The following NEK10 variants were observed in gnomAD, a reference collection of about 807,000 sequenced individuals.
NEK10 encodes the protein serine/threonine-protein kinase Nek10.
In NEK10, 122 loss-of-function variants were observed where a neutral mutation model predicts 159.8. The observed-to-expected ratio is 0.76, with a 90% CI of 0.66 to 0.89. The LOEUF (loss-of-function observed/expected upper bound fraction) is 0.89. Ranked by LOEUF, NEK10 falls within the 40% of genes least tolerant of loss-of-function variation. The probability of loss-of-function intolerance (pLI) is 0.00; values close to 1 mark genes in which losing one functional copy is unlikely to be tolerated. For synonymous variants in NEK10, 466 were observed against 457.1 expected (o/e 1.02, Z -0.25); for missense variants, 1,342 against 1,323.1 (o/e 1.01, Z -0.22).
chr3:27,116,189 A>C, intron 33 of NEK10, 62 bp from the exon 34 acceptor site: 2 of 1,479,742 alleles, frequency 1.4e-6, no homozygotes, highest in Non-Finnish European at 9.4e-7. Context: ...GTTATTCTTT[A>C]CTGGCAATTA....
intron 23 of NEK10, among the ~76,000 whole-genome samples, chr3:27,208,888 C>CT (rs1240819806): frequency 6.6e-6 from 1 of 152,188 alleles, no homozygotes; most frequent in Non-Finnish European, 1.5e-5. Flanking sequence ...TCACAGATGA[C>CT]TACTGCCGTT....
intron 31 of NEK10, among the ~76,000 whole-genome samples, chr3:27,134,865 C>G (rs1943020991): frequency 6.6e-6 from 1 of 152,118 alleles, no homozygotes; most frequent in Non-Finnish European, 1.5e-5. Context: ...TACGTAAGGA[C>G]TATAATACTA....
chr3:27,292,126 G>A (rs1311346769), intron 16 of NEK10, among the ~76,000 whole-genome samples: 2 of 152,258 alleles, frequency 1.3e-5, no homozygotes, highest in East Asian at 3.9e-4. Context: ...GAGATCTGCT[G>A]TACAACCTTG....
chr3:27,316,818 A>G (rs2149627079), intron 6 of NEK10, among the ~76,000 whole-genome samples: 1 of 152,202 alleles, frequency 6.6e-6, no homozygotes, highest in East Asian at 1.9e-4. Flanking sequence ...AGAGAGACAG[A>G]GAGAAAGAGA....
chr3:27,151,233 C>T (rs916878650), intron 30 of NEK10, among the ~76,000 whole-genome samples: 2 of 152,114 alleles, frequency 1.3e-5, no homozygotes, highest in African/African-American at 2.4e-5. Context: ...ACCAAAGAAC[C>T]CTTATGGAGT....
intron 1 of NEK10, among the ~76,000 whole-genome samples, chr3:27,365,865 G>A (rs758436861): frequency 6.6e-5 from 10 of 151,726 alleles, no homozygotes; most frequent in African/African-American, 2.2e-4. Flanking sequence ...CTCCCGCCTC[G>A]GCCTCCCAAA....
At chr3:27,257,633 T>C (rs1289122932) in intron 22 of NEK10, among the ~76,000 whole-genome samples, 2 of 152,144 alleles carry the variant, frequency 1.3e-5, no homozygotes, top group Non-Finnish European at 2.9e-5. Flanking sequence ...CTCATAGCAC[T>C]CTGAAAGACA....
chr3:27,165,422 G>A (rs1464585940), intron 29 of NEK10, among the ~76,000 whole-genome samples: 1 of 152,198 alleles, frequency 6.6e-6, no homozygotes, highest in African/African-American at 2.4e-5. Flanking sequence ...ATGCCCAATA[G>A]AGCATTACGG....
At position 27,109,272 on chromosome 3, in the gene NEK10, G is replaced by A. The variant is rs1309296510; in HGVS notation, c.*2000C>T. Among the ~76,000 whole-genome samples, 5 of 151,870 alleles carry A rather than the reference G, an allele frequency of 3.3e-5. No individual in the cohort carries two copies. Among genetic ancestry groups the A allele is most frequent in the East Asian group, 3.9e-4 (2 of 5,174 alleles). The stretch of plus-strand genomic sequence containing the variant: ...CACATGCCTGTAATCCCAGTTACTC[G>A]GGAGGCTGAGGCAGGAGAATTGCTT... On this transcript the variant is annotated 3_prime_UTR_variant, in exon 36 of 36. Transcript: ENST00000691995.
At chr3:27,176,201 C>A (rs1947490346) in intron 26 of NEK10, among the ~76,000 whole-genome samples, 1 of 152,174 alleles carries the variant, frequency 6.6e-6, no homozygotes, top group Non-Finnish European at 1.5e-5. Flanking sequence ...CTGTTTATTT[C>A]TTTTCCCTGA....
chr3:27,140,752 CA>C (rs1406052526), intron 31 of NEK10, among the ~76,000 whole-genome samples: 4 of 152,092 alleles, frequency 2.6e-5, no homozygotes, highest in Non-Finnish European at 5.9e-5. Context: ...GGATGTATCC[CA>C]AGTCCCTAGA....
At position 27,109,378 on chromosome 3, in the gene NEK10, TAAAAAAAAAAA is replaced by T. The variant is rs369638958; in HGVS notation, c.*1883_*1893del. 8.5e-6 allele frequency among the ~76,000 whole-genome samples: 1 copy of T among 117,264 alleles called. No homozygotes were observed. 76.9% of individuals were successfully genotyped at this position (117,264 alleles called of 152,430 possible). A position where few individuals can be genotyped will look rare whatever the true frequency, so the allele number is the denominator to read the frequency against. ...TGGGCAACAGAGTGAGACTCTGTCT[TAAAAAAAAAAA>T]AAAAAAAAAAGAGTTAGATGGAAAC... is the stretch of plus-strand genomic sequence containing the variant. On this transcript the variant is annotated 3_prime_UTR_variant, in exon 36 of 36. Transcript: ENST00000691995.
At chr3:27,316,906 C>T (rs143218975) in intron 6 of NEK10, among the ~76,000 whole-genome samples, 3 of 152,256 alleles carry the variant, frequency 2.0e-5, no homozygotes, top group African/African-American at 4.8e-5. Flanking sequence ...GACTCTTTGG[C>T]GCTGCTGAGC....
chr3:27,333,154 A>G (rs2046544250), intron 5 of NEK10, among the ~76,000 whole-genome samples: 1 of 152,192 alleles, frequency 6.6e-6, no homozygotes, highest in African/African-American at 2.4e-5. Context: ...ATCAGCTGTG[A>G]GCCAAGGAAG....
intron 22 of NEK10, among the ~76,000 whole-genome samples, chr3:27,269,290 C>T (rs938540786): frequency 2.0e-5 from 3 of 152,206 alleles, no homozygotes; most frequent in African/African-American, 7.2e-5. Flanking sequence ...AGAAGCTTTA[C>T]TGTGGGTAAA....
chr3:27,332,326 T>C (rs2046478434), intron 5 of NEK10, among the ~76,000 whole-genome samples: 2 of 152,226 alleles, frequency 1.3e-5, no homozygotes, highest in African/African-American at 4.8e-5. Flanking sequence ...TCATATAACA[T>C]GATCCAATTC....
At chr3:27,134,830 G>A (rs1268972175) in intron 31 of NEK10, among the ~76,000 whole-genome samples, 5 of 152,060 alleles carry the variant, frequency 3.3e-5, no homozygotes, top group Non-Finnish European at 7.4e-5. Context: ...TTAATTGCAG[G>A]TGATATAAAC....
Position 27,108,911 on chromosome 3 carries a change from T to A in NEK10, c.*2361A>T, listed in dbSNP as rs541726896. Among the ~76,000 whole-genome samples the A allele has an allele frequency of 2.0e-5, 3 of 152,332 alleles. No individual in the cohort carries two copies. Among genetic ancestry groups the A allele is most frequent in the African/African-American group, 7.2e-5 (3 of 41,570 alleles). On this transcript the variant is annotated 3_prime_UTR_variant, in exon 36 of 36. Coordinates refer to ENST00000691995, the MANE Select transcript of NEK10 (RefSeq NM_001394966.1). ...ACATGGGAAAATATAGACTCAGTGA[T>A]TGTGGTAGTTTAGGGAGAATTCAAA...
intron 30 of NEK10, among the ~76,000 whole-genome samples, chr3:27,161,037 T>C (rs1250005516): frequency 6.6e-6 from 1 of 152,208 alleles, no homozygotes; most frequent in Non-Finnish European, 1.5e-5. Flanking sequence ...TCTGCCATAA[T>C]GTAAATAGTT....
Sources: gnomAD v4.1 joint callset for allele counts (sites outside exome capture counted in the v4.1 genomes callset) on GRCh38, gnomAD v4.1.1 for gene constraint, MANE v1.5 for transcripts, NCBI Gene and HGNC (gene_info 2026-07-23, HGNC 2026-07-21) for gene names.